SPOCK1: variants seen among roughly 807,000 people sequenced by gnomAD.
The protein encoded by SPOCK1 is SPARC (osteonectin), cwcv and kazal like domains proteoglycan 1, also known as testican-1.
Under a neutral mutation model 55.3 loss-of-function variants are expected in SPOCK1, and 23 were observed. The observed-to-expected ratio is 0.42, with a 90% confidence interval of 0.30 to 0.59. SPOCK1 has a LOEUF of 0.59. Ranked by LOEUF, SPOCK1 falls within the 20% of genes least tolerant of loss-of-function variation. SPOCK1 has a pLI of 0.22. For missense variants in SPOCK1, 499 were observed against 552.5 expected (o/e 0.90, Z 0.97); for synonymous variants, 226 against 221.0 (o/e 1.02, Z -0.20).
chr5:137,225,317 G>A (rs138047400), intron 3 of SPOCK1, among the ~76,000 whole-genome samples: 6 of 152,186 alleles, frequency 3.9e-5, no homozygotes, highest in Admixed American at 2.0e-4. Context: ...GACAGTAAAT[G>A]CAACTACCTC....
chr5:137,063,932 C>T (rs528530611), intron 6 of SPOCK1, among the ~76,000 whole-genome samples: 1 of 152,284 alleles, frequency 6.6e-6, no homozygotes, highest in African/African-American at 2.4e-5. Context: ...TCACTACAGT[C>T]TTTTTTGATG....
intron 2 of SPOCK1, among the ~76,000 whole-genome samples, chr5:137,444,925 A>G (rs1285828873): frequency 6.6e-6 from 1 of 152,172 alleles, no homozygotes; most frequent in African/African-American, 2.4e-5. Context: ...TTCCTCTCCC[A>G]GCTCCTAGTC....
At position 136,988,483 on chromosome 5, in the gene SPOCK1, G is replaced by A. The variant is rs1750884060; in HGVS notation, c.867C>T (p.Asp289=). The A allele has an allele frequency of 6.2e-7, 1 of 1,614,146 alleles. No homozygotes were observed. The highest frequency in any genetic ancestry group is 2.2e-5 in the East Asian group (1 of 44,880). ...TAGAAAGCTTGCCATCCTTGAAGGA[G>A]TCACACGAGTTGAAAAGAGGCTTGA... is the stretch of plus-strand genomic sequence containing the variant. ...PCIKPLFNSC[D]SFKDGKLSNN... Residue 289 remains aspartate, a synonymous_variant, in exon 8 of 11, where the codon GAC becomes GAT. Transcript: ENST00000394945.
intron 2 of SPOCK1, among the ~76,000 whole-genome samples, chr5:137,343,436 C>G (rs1387795903): frequency 6.6e-6 from 1 of 152,200 alleles, no homozygotes. Flanking sequence ...GCTCAACACT[C>G]CCATTCAACA....
At chr5:137,060,639 A>G (rs77203373) in intron 6 of SPOCK1, among the ~76,000 whole-genome samples, 64,570 of 151,866 alleles carry the variant, frequency 0.43, 16,566 homozygotes, top group Non-Finnish European at 0.57. Context: ...TACATAAAAA[A>G]AAAAACAGTA....
At chr5:137,484,771 A>G (rs547368991) in intron 2 of SPOCK1, among the ~76,000 whole-genome samples, 1 of 152,356 alleles carries the variant, frequency 6.6e-6, no homozygotes, top group African/African-American at 2.4e-5. Flanking sequence ...AGAATAGGGA[A>G]AAAATAGAAA....
At chr5:136,988,390 G>T (rs1388185520) in intron 8 of SPOCK1, 32 bp downstream of exon 8, 3 of 1,594,638 alleles carry the variant, frequency 1.9e-6, no homozygotes, top group African/African-American at 1.3e-5. Flanking sequence ...GCTGCCCTGG[G>T]CTAGGGACCC....
intron 3 of SPOCK1, among the ~76,000 whole-genome samples, chr5:137,141,518 C>T (rs951729960): frequency 3.3e-5 from 5 of 152,068 alleles, no homozygotes; most frequent in African/African-American, 4.8e-5. Context: ...AAAGTTACAA[C>T]GTAACAGGGA....
chr5:137,446,726 A>G (rs1753137641), intron 2 of SPOCK1, among the ~76,000 whole-genome samples: 1 of 152,232 alleles, frequency 6.6e-6, no homozygotes, highest in African/African-American at 2.4e-5. Context: ...ACTGTTAAGT[A>G]TATTCACATT....
Position 137,009,695 on chromosome 5 carries a change from A to G in SPOCK1, c.590-17095T>C, listed in dbSNP as rs1751315379. 2.0e-5 allele frequency among the ~76,000 whole-genome samples: 3 copies of G among 152,132 alleles called. No homozygotes were observed. The South Asian group carries it at 6.2e-4, about 32-fold the overall frequency. ...CTACACACTAACATTTTTCTTTTAA[A>G]CCAAAAGGGAGAAAATAATTCCTAA... is the stretch of plus-strand genomic sequence containing the variant. On this transcript the variant is annotated intron_variant, in intron 6 of 10. Coordinates refer to ENST00000394945, the MANE Select transcript of SPOCK1 (RefSeq NM_004598.4).
chr5:137,317,516 G>A (rs1488493980), intron 2 of SPOCK1, among the ~76,000 whole-genome samples: 1 of 152,096 alleles, frequency 6.6e-6, no homozygotes, highest in Non-Finnish European at 1.5e-5. Flanking sequence ...CAGTCAGATG[G>A]GAATGTTTAA....
chr5:137,348,024 A>C (rs1750597697), intron 2 of SPOCK1, among the ~76,000 whole-genome samples: 1 of 152,160 alleles, frequency 6.6e-6, no homozygotes, highest in African/African-American at 2.4e-5. Context: ...CTCTCAGGTG[A>C]TGCTGCTGCT....
At chr5:137,417,029 C>T (rs913509695) in intron 2 of SPOCK1, among the ~76,000 whole-genome samples, 9 of 151,792 alleles carry the variant, frequency 5.9e-5, no homozygotes, top group Non-Finnish European at 1.3e-4. Flanking sequence ...GGGTATAAGT[C>T]CTTTGTCATA....
intron 2 of SPOCK1, among the ~76,000 whole-genome samples, chr5:137,340,322 A>G (rs1750391385): frequency 6.6e-6 from 1 of 152,138 alleles, no homozygotes; most frequent in African/African-American, 2.4e-5. Context: ...CCCTTCCTGG[A>G]ACTCCCCAAT....
At chr5:137,235,122 G>A (rs1756152204) in intron 3 of SPOCK1, among the ~76,000 whole-genome samples, 1 of 152,182 alleles carries the variant, frequency 6.6e-6, no homozygotes, top group South Asian at 2.1e-4. Flanking sequence ...TGGGAGCTGA[G>A]GCTCCCAGGA....
intron 5 of SPOCK1, among the ~76,000 whole-genome samples, chr5:137,069,908 T>C (rs7721942): frequency 0.18 from 27,838 of 152,228 alleles, 2,999 homozygotes; most frequent in Non-Finnish European, 0.23. Flanking sequence ...TACTGCCCGA[T>C]TGTATCTGTG....
chr5:137,366,855 C>T (rs1232404212), intron 2 of SPOCK1, among the ~76,000 whole-genome samples: 1 of 152,176 alleles, frequency 6.6e-6, no homozygotes, highest in Non-Finnish European at 1.5e-5. Flanking sequence ...GATGGATGCT[C>T]CAGCTAAGTG....
chr5:137,171,079 C>T lies in SPOCK1; in HGVS notation c.233-30385G>A, dbSNP rs562875250. On this transcript the variant is annotated intron_variant, in intron 3 of 10. Transcript: ENST00000394945. ...TGGGGACAGTGTCCTATGGAGTGAA[C>T]GGGAAGAGCCTCCAATGGAACTCAA... Among the ~76,000 whole-genome samples, 32 of 152,210 alleles carry T rather than the reference C, an allele frequency of 2.1e-4. 1 individual carries two copies. The South Asian group carries it at 6.0e-3, about 29-fold the overall frequency.
chr5:137,078,887 T>C (rs977229427), intron 5 of SPOCK1, among the ~76,000 whole-genome samples: 2 of 152,168 alleles, frequency 1.3e-5, no homozygotes, highest in African/African-American at 4.8e-5. Flanking sequence ...ATTCCTTGTA[T>C]CCTGCTATCC....
Sources: gnomAD v4.1 joint callset for allele counts (sites outside exome capture counted in the v4.1 genomes callset) on GRCh38, gnomAD v4.1.1 for gene constraint, MANE v1.5 for transcripts, NCBI Gene and HGNC (gene_info 2026-07-23, HGNC 2026-07-21) for gene names.